Variants in PRPF18 observed in about 807,000 individuals in gnomAD.
The protein encoded by PRPF18 is pre-mRNA-splicing factor 18.
A neutral mutation model predicts 46.5 loss-of-function variants in PRPF18; 38 were observed. The observed-to-expected ratio is 0.82, with a 90% CI of 0.63 to 1.07. The LOEUF is 1.07. Ranked by LOEUF, PRPF18 falls within the 50% of genes least tolerant of loss-of-function variation. The pLI, the probability that PRPF18 is intolerant of heterozygous loss-of-function variation, is 0.00. For synonymous variants in PRPF18, 152 were observed against 146.7 expected, an observed-to-expected ratio of 1.04 and a Z score of -0.26; for missense variants, 263 against 410.0, an observed-to-expected ratio of 0.64 and a Z score of 3.10.
chr10:13,605,972 T>C (rs2080178376), intron 4 of PRPF18, among the ~76,000 whole-genome samples: 1 of 152,036 alleles, frequency 6.6e-6, no homozygotes, highest in Non-Finnish European at 1.5e-5. Context: ...TATAAAGAAA[T>C]AGAACATTTT....
the PRPF18 span, chr10:13,648,266 G>A: frequency 6.6e-6 from 1 of 152,146 alleles, no homozygotes; most frequent in East Asian, 1.9e-4. Flanking sequence ...ACTGGCCATG[G>A]GTATTACTAT....
Position 13,587,005 on chromosome 10 carries a change from A to T in PRPF18, c.-82A>T. On this transcript the variant is annotated 5_prime_UTR_variant, in exon 1 of 10. Coordinates refer to ENST00000378572, the MANE Select transcript of PRPF18 (RefSeq NM_003675.4). ...TTTGGGCTTGTTGTTCCGTATACTC[A>T]GTGGGTTCGCGGCCGCCGGCCCAGT... The T allele has an allele frequency of 7.2e-7, 1 of 1,396,882 alleles. No individual in the cohort carries two copies. The highest frequency in any genetic ancestry group is 1.0e-6 in the Non-Finnish European group (1 of 982,386). 86.5% of individuals were successfully genotyped at this position (1,396,882 alleles called of 1,614,324 possible). A position where few individuals can be genotyped will look rare whatever the true frequency, so the allele number is the denominator to read the frequency against.
intron 3 of PRPF18, among the ~76,000 whole-genome samples, chr10:13,601,970 C>T (rs936913751): frequency 2.6e-5 from 4 of 152,148 alleles, no homozygotes; most frequent in African/African-American, 7.2e-5. Flanking sequence ...TCTTGATATT[C>T]GTATGAGTTT....
At chr10:13,595,630 C>G (rs1227942187) in intron 1 of PRPF18, among the ~76,000 whole-genome samples, 6 of 152,176 alleles carry the variant, frequency 3.9e-5, no homozygotes, top group Non-Finnish European at 2.9e-5. Context: ...ACCTAATTCT[C>G]AGCGTTCTCA....
In PRPF18 at chr10:13,628,434, A is replaced by G. The variant is rs1401932292; in HGVS notation, c.949-1826A>G. Among the ~76,000 whole-genome samples the G allele has an allele frequency of 1.2e-4, 19 of 152,230 alleles. No individual in the cohort carries two copies. In the East Asian group the frequency reaches 2.1e-3, roughly 17 times the overall value. ...ATAGAAAATGACATAGTATTTGCAT[A>G]TAATCTATGCACATCCTCCTGTATA... On this transcript the variant is annotated intron_variant, in intron 9 of 9. Coordinates refer to ENST00000378572, the MANE Select transcript of PRPF18 (RefSeq NM_003675.4).
chr10:13,614,965 C>T lies in PRPF18; in HGVS notation c.792+879C>T, dbSNP rs141914243. Among the ~76,000 whole-genome samples, 388 of 152,258 alleles carry T rather than the reference C, an allele frequency of 2.5e-3. 5 individuals carry two copies. The highest frequency in any genetic ancestry group is 0.022 in the Admixed American group (339 of 15,292). On this transcript the variant is annotated intron_variant, in intron 8 of 9. Transcript: ENST00000378572. ...ATCCAGTGCTGTATCTGTATACTGA[C>T]GTAACAAGGGACTGCTGGCATTCCT...
downstream of PRPF18, among the ~76,000 whole-genome samples, chr10:13,635,825 A>T (rs1482059031): frequency 2.0e-5 from 3 of 152,176 alleles, no homozygotes; most frequent in Non-Finnish European, 4.4e-5. Flanking sequence ...GGACAAAAGG[A>T]CTATAATTCT....
chr10:13,608,705 C>T lies in PRPF18; in HGVS notation c.364-1334C>T, dbSNP rs148811093. On this transcript the variant is annotated intron_variant, in intron 4 of 9. Transcript: ENST00000378572. ...TTGTTAGTGTACTTACTGTTTTTCG[C>T]TATTATTAGAGTTATGTGCATATTT... Among the ~76,000 whole-genome samples, 1,411 of 152,250 alleles carry T rather than the reference C, an allele frequency of 9.3e-3. 21 individuals carry two copies. The highest frequency in any genetic ancestry group is 0.029 in the South Asian group (138 of 4,832).
At chr10:13,607,154 T>C (rs1160798374) in intron 4 of PRPF18, among the ~76,000 whole-genome samples, 1 of 152,196 alleles carries the variant, frequency 6.6e-6, no homozygotes, top group Non-Finnish European at 1.5e-5. Flanking sequence ...TGCGGTGGCA[T>C]AATCATGGCT....
chr10:13,611,685 T>A lies in PRPF18; in HGVS notation c.579+2T>A. Reference sequence around the variant, plus strand: ...GACATCATCACCAAATTCCTGAAGGTGCGTGTCTTAGGCGAGGGGATGAGG... The same window carrying A: ...GACATCATCACCAAATTCCTGAAGGAGCGTGTCTTAGGCGAGGGGATGAGG... On this transcript the variant is annotated splice_donor_variant, in intron 6 of 9. Transcript: ENST00000378572. LOFTEE classifies it high-confidence loss of function. 6.2e-7 allele frequency: 1 copy of A among 1,613,318 alleles called. No individual in the cohort carries two copies. Among genetic ancestry groups the A allele is most frequent in the East Asian group, 2.2e-5 (1 of 44,870 alleles).
downstream of PRPF18, among the ~76,000 whole-genome samples, chr10:13,633,438 T>G (rs1465204162): frequency 6.6e-6 from 1 of 152,146 alleles, no homozygotes; most frequent in Non-Finnish European, 1.5e-5. Context: ...ACCTTTTTGT[T>G]GGAAAGAAAG....
At chr10:13,649,916 C>T in the PRPF18 span, among the ~76,000 whole-genome samples, 7 of 152,316 alleles carry the variant, frequency 4.6e-5, no homozygotes, top group Non-Finnish European at 7.3e-5. Flanking sequence ...TGAGCTGGGG[C>T]AGGATGAAGA....
the PRPF18 span, among the ~76,000 whole-genome samples, chr10:13,638,306 T>C: frequency 4.6e-5 from 7 of 151,612 alleles, no homozygotes; most frequent in Non-Finnish European, 1.0e-4. Context: ...TTTCTTTTTT[T>C]TTTTTTTTTT....
rs763097640 is a variant in PRPF18, at chr10:13,591,885, C to A, written c.66+4733C>A. ...CAGTGAGGATGATCAGAACGTTCCC[C>A]GGGGTAATGCTGGTTCGCAGTTTTC... is the stretch of plus-strand genomic sequence containing the variant. On this transcript the variant is annotated intron_variant, in intron 1 of 9. Coordinates refer to ENST00000378572, the MANE Select transcript of PRPF18 (RefSeq NM_003675.4). 9.2e-6 allele frequency: 13 copies of A among 1,417,932 alleles called. No individual in the cohort carries two copies. The East Asian group carries it at 4.7e-4, about 51-fold the overall frequency. The allele number at this position is 1,417,932 out of a possible 1,614,324, so 87.8% of individuals were successfully genotyped here.
chr10:13,644,224 C>A, the PRPF18 span: 1 of 152,228 alleles, frequency 6.6e-6, no homozygotes, highest in Non-Finnish European at 1.5e-5. Flanking sequence ...CAGGCAATTT[C>A]TTTTACGCAT....
chr10:13,652,274 G>T, the PRPF18 span: 21 of 436,552 alleles, frequency 4.8e-5, no homozygotes, highest in African/African-American at 4.2e-4. Flanking sequence ...TTTGGCTTGA[G>T]TCCTCACTAG....
chr10:13,646,853 G>A, the PRPF18 span: 4 of 213,092 alleles, frequency 1.9e-5, no homozygotes, highest in Non-Finnish European at 2.4e-5. Flanking sequence ...CAGGGTGACG[G>A]TGCGTCTGGG....
the PRPF18 span, among the ~76,000 whole-genome samples, chr10:13,638,324 A>G: frequency 7.2e-6 from 1 of 139,638 alleles, no homozygotes; most frequent in African/African-American, 2.7e-5. Context: ...TTTTTATGGC[A>G]TCATGAAATC....
At chr10:13,622,210 A>T (rs1178835766) in intron 9 of PRPF18, among the ~76,000 whole-genome samples, 1 of 131,220 alleles carries the variant, frequency 7.6e-6, no homozygotes, top group East Asian at 1.9e-4. Flanking sequence ...CTACCCCCTT[A>T]ATCTTCCTGG....
Sources: gnomAD v4.1 joint callset for allele counts (sites outside exome capture counted in the v4.1 genomes callset) on GRCh38, gnomAD v4.1.1 for gene constraint, MANE v1.5 for transcripts, NCBI Gene and HGNC (gene_info 2026-07-23, HGNC 2026-07-21) for gene names.